ITGAM: variants seen among roughly 807,000 people sequenced by gnomAD.
The protein encoded by ITGAM is integrin subunit alpha M.
ITGAM carries 79 observed loss-of-function variants against 137.5 expected under a neutral mutation model. That is an observed-to-expected ratio of 0.57 (90% CI 0.48 to 0.69). The LOEUF (loss-of-function observed/expected upper bound fraction) is 0.69, where lower values mean the gene tolerates loss of function less well. Among genes scored for constraint, ITGAM ranks in the 30% least tolerant of loss-of-function variants. The pLI is 0.00. For synonymous variants in ITGAM, 583 were observed against 592.3 expected, an observed-to-expected ratio of 0.98 and a Z score of 0.23; for missense variants, 1,343 against 1,483.5, an observed-to-expected ratio of 0.91 and a Z score of 1.56.
chr16:31,287,981 T>C (rs551606173), intron 12 of ITGAM, among the ~76,000 whole-genome samples: 1 of 152,196 alleles, frequency 6.6e-6, no homozygotes, highest in South Asian at 2.1e-4. Flanking sequence ...TCAAGGGTGA[T>C]AGATGCTTAA....
chr16:31,321,101 C>G, intron 14 of ITGAM, 140 bp from the exon 15 acceptor site: 1 of 851,362 alleles, frequency 1.2e-6, no homozygotes, highest in Non-Finnish European at 1.9e-6. Context: ...CTAAGCTGTC[C>G]TAGTTCCTTG....
intron 28 of ITGAM, among the ~76,000 whole-genome samples, chr16:31,330,882 G>C (rs111209392): frequency 2.2e-5 from 3 of 136,590 alleles, no homozygotes; most frequent in Admixed American, 7.2e-5. Context: ...GATAGACAGA[G>C]AGATAGAGAT....
At position 31,271,829 on chromosome 16, in the gene ITGAM, C is replaced by G; in HGVS notation, c.559-18C>G. On this transcript the variant is annotated intron_variant, in intron 6 of 29. Coordinates refer to ENST00000544665, the MANE Select transcript of ITGAM (RefSeq NM_000632.4). The stretch of plus-strand genomic sequence containing the variant: ...GGGGGCACCTTCTCCAGCATCACAC[C>G]AGCCGCCCCCTCCGCAGTTCTCTTT... 1 of 1,613,734 alleles carries G rather than the reference C, an allele frequency of 6.2e-7. No homozygotes were observed. The highest frequency in any genetic ancestry group is 8.5e-7 in the Non-Finnish European group (1 of 1,179,782).
rs2080578843 is a variant in ITGAM at position 31,331,264 on chromosome 16, G to A, written c.3376G>A (p.Ala1126Thr). ...GLLLLALITA[A>T]LYKLGFFKRQ... ...GCTGCTCCTGGCCCTCATCACCGCC[G>A]CGCTGTACAAGGTGCTCCCCGCTGC... Residue 1126 changes from alanine (A) to threonine (T), a missense_variant, in exon 29 of 30, where the codon GCG becomes ACG. Coordinates refer to ENST00000544665, the MANE Select transcript of ITGAM (RefSeq NM_000632.4). The A allele has an allele frequency of 1.2e-6, 2 of 1,608,040 alleles. No homozygotes were observed. The highest frequency in any genetic ancestry group is 1.7e-6 in the Non-Finnish European group (2 of 1,175,908).
chr16:31,330,165 G>A lies in ITGAM; in HGVS notation c.3060+1G>A, dbSNP rs1358713251. ...TGAGCTTCGGAAGGCCCCCGTGGTG[G>A]TGAGAAGCTAAGTCAGCCCCAGGGC... On this transcript the variant is annotated splice_donor_variant, in intron 26 of 29. Coordinates refer to ENST00000544665, the MANE Select transcript of ITGAM (RefSeq NM_000632.4). LOFTEE classifies it high-confidence loss of function. The A allele has an allele frequency of 6.2e-7, 1 of 1,612,904 alleles. No individual in the cohort carries two copies. The highest frequency in any genetic ancestry group is 2.2e-5 in the East Asian group (1 of 44,852).
rs749320003 is a variant in ITGAM, at chr16:31,321,616, G to A, written c.1991G>A (p.Arg664Gln). 19 of 1,613,458 alleles carry A rather than the reference G, an allele frequency of 1.2e-5. No homozygotes were observed. The highest frequency in any genetic ancestry group is 1.5e-5 in the Non-Finnish European group (18 of 1,179,746). The change falls in exon 16 of 30, where the codon CGG becomes CAG. Residue 664 changes from arginine (R) to glutamine (Q), a missense_variant. By Grantham distance (43) the Arg-to-Gln change is conservative (BLOSUM62 1). Coordinates refer to ENST00000544665, the MANE Select transcript of ITGAM (RefSeq NM_000632.4). ...CATGTCCAGAAGAGCACACGGGATC[G>A]GCTAAGAGAAGGTGAGGCTTGGTGG... is the stretch of plus-strand genomic sequence containing the variant. ...CLHVQKSTRD[R>Q]LREGQIQSVV...
At chr16:31,330,024 G>A (rs1272834720) in intron 25 of ITGAM, 57 bp from the exon 26 acceptor site, 16 of 1,577,020 alleles carry the variant, frequency 1.0e-5, no homozygotes, top group Non-Finnish European at 1.3e-5. Flanking sequence ...CTCACCTCCC[G>A]AGATGAGGCC....
intron 12 of ITGAM, among the ~76,000 whole-genome samples, chr16:31,280,150 T>C (rs956432724): frequency 1.2e-4 from 19 of 152,222 alleles, no homozygotes; most frequent in African/African-American, 4.3e-4. Flanking sequence ...TCTTGTAATA[T>C]AGTTTGAAGT....
Position 31,324,790 on chromosome 16 carries a change from C to T in ITGAM, c.2289+8C>T, listed in dbSNP as rs781220077. 6.4e-7 allele frequency: 1 copy of T among 1,551,748 alleles called. No individual in the cohort carries two copies. Among genetic ancestry groups the T allele is most frequent in the Non-Finnish European group, 8.7e-7 (1 of 1,151,952 alleles). ...AGACTCTTCACAGCCTTGGTGAGTC[C>T]AGAGTTGGGGTCCTGCAGGGGTGTG... On this transcript the variant is annotated splice_region_variant and intron_variant, in intron 18 of 29. Transcript: ENST00000544665. The surrounding 1 kb of genome is among the most constrained non-coding windows in gnomAD (Gnocchi z 4.5).
chr16:31,330,085 T>C lies in ITGAM; in HGVS notation c.2981T>C (p.Leu994Pro). The change falls in exon 26 of 30, where the codon CTC becomes CCC. Residue 994 changes from leucine (L) to proline (P), a missense_variant. Leu to Pro is a moderately conservative substitution (Grantham distance 98). Transcript: ENST00000544665. ...TCAGTGCGTCTCTTTCCTCAGAACC[T>C]CTCGAGTACGTGCCACACCAAGGAG... is the stretch of plus-strand genomic sequence containing the variant. ...DRPQVTFSEN[L>P]SSTCHTKERL... 1 of 1,613,480 alleles carries C rather than the reference T, an allele frequency of 6.2e-7. No individual in the cohort carries two copies. The highest frequency in any genetic ancestry group is 8.5e-7 in the Non-Finnish European group (1 of 1,179,678).
At chr16:31,329,434 A>G in intron 24 of ITGAM, 131 bp downstream of exon 24, 4 of 714,892 alleles carry the variant, frequency 5.6e-6, no homozygotes, top group South Asian at 4.7e-5. Flanking sequence ...CCACGCTGCT[A>G]TCACTCAGTA....
chr16:31,315,424 T>A (rs1268204293), intron 14 of ITGAM, among the ~76,000 whole-genome samples: 1 of 151,504 alleles, frequency 6.6e-6, no homozygotes, highest in Non-Finnish European at 1.5e-5. Flanking sequence ...ATCTTACATT[T>A]AAGCCTTTAA....
Position 31,297,965 on chromosome 16 carries a change from G to T in ITGAM, c.1707+11G>T. The T allele has an allele frequency of 6.2e-7, 1 of 1,606,080 alleles. No individual in the cohort carries two copies. The highest frequency in any genetic ancestry group is 8.5e-7 in the Non-Finnish European group (1 of 1,172,922). ...CCCTCCCATAGCCAGGTGAGACCTG[G>T]TCACTGTCCTTGTCATGACAGTAGC... On this transcript the variant is annotated intron_variant, in intron 14 of 29. Coordinates refer to ENST00000544665, the MANE Select transcript of ITGAM (RefSeq NM_000632.4).
intron 14 of ITGAM, among the ~76,000 whole-genome samples, chr16:31,300,440 C>T (rs2080186499): frequency 6.6e-6 from 1 of 152,172 alleles, no homozygotes; most frequent in African/African-American, 2.4e-5. Flanking sequence ...TTTACCAACA[C>T]TTGTCTTTTG....
In ITGAM at chr16:31,331,954, T is replaced by G. The variant is rs906388008; in HGVS notation, c.*247T>G. The G allele has an allele frequency of 5.4e-6, 3 of 554,700 alleles. No homozygotes were observed. Among genetic ancestry groups the G allele is most frequent in the Non-Finnish European group, 9.6e-6 (3 of 313,494 alleles). The allele number at this position is 554,700 out of a possible 1,614,324, so 34.4% of individuals were successfully genotyped here. The stretch of plus-strand genomic sequence containing the variant: ...CCATGTGTGAGTGTGTGCAAGTATG[T>G]GAGTGTGTCCAAGTGTGTGTGCGTG... On this transcript the variant is annotated 3_prime_UTR_variant, in exon 30 of 30. Coordinates refer to ENST00000544665, the MANE Select transcript of ITGAM (RefSeq NM_000632.4).
At chr16:31,302,479 C>G (rs1285973881) in intron 14 of ITGAM, among the ~76,000 whole-genome samples, 1 of 81,914 alleles carries the variant, frequency 1.2e-5, no homozygotes, top group Non-Finnish European at 2.3e-5. Context: ...TTCTTTCTTT[C>G]TTTCTTTTTT....
intron 24 of ITGAM, among the ~76,000 whole-genome samples, 184 bp downstream of exon 24, chr16:31,329,487 A>G (rs2080552812): frequency 2.0e-5 from 3 of 152,268 alleles, no homozygotes; most frequent in Admixed American, 1.3e-4. Context: ...GCACGCACGT[A>G]GTTATCTTGT....
chr16:31,294,558 A>C (rs1319725346), intron 12 of ITGAM, among the ~76,000 whole-genome samples: 1 of 152,166 alleles, frequency 6.6e-6, no homozygotes, highest in African/African-American at 2.4e-5. Flanking sequence ...ATGTTGAACC[A>C]ACTTTGCACC....
In ITGAM at chr16:31,278,077, T is replaced by C. The variant is rs1445630469; in HGVS notation, c.1324T>C (p.Trp442Arg). The change falls in exon 12 of 30, where the codon TGG becomes CGG. Residue 442 changes from tryptophan (W) to arginine (R), a missense_variant. Trp to Arg is a moderately radical substitution (Grantham distance 101). Transcript: ENST00000544665. Reference sequence around the variant, plus strand: ...GATGTTCAGGCAGAACACTGGCATGTGGGAGTCCAACGCTAATGTCAAGGG... The same window carrying C: ...GATGTTCAGGCAGAACACTGGCATGCGGGAGTCCAACGCTAATGTCAAGGG... ...VAMFRQNTGM[W>R]ESNANVKGTQ... is the part of the protein sequence containing the mutation. The C allele has an allele frequency of 6.2e-7, 1 of 1,608,640 alleles. No homozygotes were observed. The highest frequency in any genetic ancestry group is 8.5e-7 in the Non-Finnish European group (1 of 1,177,632).
Sources: allele counts gnomAD v4.1 joint callset (sites outside exome capture counted in the v4.1 genomes callset), GRCh38; gene constraint gnomAD v4.1.1; non-coding constraint Gnocchi (gnomAD v3.1); transcripts MANE v1.5; gene names NCBI Gene and HGNC (gene_info 2026-07-23, HGNC 2026-07-21).